Variants in SERPINA1 observed in about 807,000 individuals in gnomAD.
SERPINA1 encodes the protein serpin family A member 1.
Under a neutral mutation model 25.4 loss-of-function variants are expected in SERPINA1, and 21 were observed. The ratio of observed to expected loss-of-function variants is 0.83; its 90% CI spans 0.59 to 1.19. The LOEUF (loss-of-function observed/expected upper bound fraction) is 1.19. SERPINA1 is among the 50% of genes most tolerant of loss of function. The probability of loss-of-function intolerance (pLI) is 0.00; values close to 1 mark genes in which losing one functional copy is unlikely to be tolerated. For synonymous variants in SERPINA1, 218 were observed against 211.1 expected (o/e 1.03, Z -0.29); for missense variants, 546 against 509.0 (o/e 1.07, Z -0.70).
upstream of SERPINA1, among the ~76,000 whole-genome samples, chr14:94,390,233 C>T (rs1189680520): frequency 6.6e-6 from 1 of 152,206 alleles, no homozygotes; most frequent in East Asian, 1.9e-4. Context: ...GGCTTCAGGG[C>T]CCCTGTCCTT....
rs864622046 is a variant in SERPINA1 at position 94,378,612 on chromosome 14, T to A, written c.1094A>T (p.Asp365Val). ...CCCAGCAGCTTCAGTCCCTTTCTCG[T>A]CGATGGTCAGCACAGCCTTATGCAC... ...KAVHKAVLTI[D>V]EKGTEAAGAM... The change falls in exon 5 of 5, where the codon GAC becomes GTC. Residue 365 changes from aspartate (D) to valine (V), a missense_variant. Transcript: ENST00000393087. 10 of 1,614,052 alleles carry A rather than the reference T, an allele frequency of 6.2e-6. No individual in the cohort carries two copies. In the Admixed American group the frequency reaches 1.2e-4, roughly 19 times the overall value.
At chr14:94,389,401 C>T (rs912425308), upstream of SERPINA1, among the ~76,000 whole-genome samples, 2 of 152,212 alleles carry the variant, frequency 1.3e-5, no homozygotes, top group Non-Finnish European at 2.9e-5. Context: ...TCTGCTTAGT[C>T]TGCCCCCCAG....
chr14:94,387,868 C>A (rs564290670), intron 1 of SERPINA1, among the ~76,000 whole-genome samples: 49 of 152,254 alleles, frequency 3.2e-4, no homozygotes, highest in African/African-American at 1.2e-3. Context: ...TAGCCGTGGC[C>A]TGGTGCAGAG....
chr14:94,385,739 G>C (rs1034463020), intron 1 of SERPINA1, among the ~76,000 whole-genome samples: 1 of 152,236 alleles, frequency 6.6e-6, no homozygotes, highest in Non-Finnish European at 1.5e-5. Flanking sequence ...TGGGCTCAAA[G>C]GAGGTGGAGA....
At position 94,381,131 on chromosome 14, in the gene SERPINA1, C is replaced by T; in HGVS notation, c.657G>A (p.Glu219=). ...CGGTGTCCTTGACTTCAAAGGGTCT[C>T]TCCCATTTGCCTGGAGAGAGGGGAA... ...VNYIFFKGKW[E]RPFEVKDTEE... Residue 219 remains glutamate, a synonymous_variant, in exon 3 of 5, where the codon GAG becomes GAA. Coordinates refer to ENST00000393087, the MANE Select transcript of SERPINA1 (RefSeq NM_000295.5). 6.2e-7 allele frequency: 1 copy of T among 1,612,350 alleles called. No homozygotes were observed. The highest frequency in any genetic ancestry group is 1.3e-5 in the African/African-American group (1 of 74,956).
intron 4 of SERPINA1, chr14:94,379,163 T>A: frequency 6.8e-6 from 4 of 591,492 alleles, no homozygotes; most frequent in Non-Finnish European, 1.2e-5. Flanking sequence ...CAAACCTTTC[T>A]GTGTCAGTAT....
intron 2 of SERPINA1, 135 bp downstream of exon 2, chr14:94,382,457 A>G (rs1896995687): frequency 3.0e-6 from 3 of 1,008,616 alleles, no homozygotes; most frequent in Admixed American, 2.1e-5. Context: ...TTGTGTGTAG[A>G]AAACTGAAGA....
intron 3 of SERPINA1, among the ~76,000 whole-genome samples, chr14:94,380,022 C>T (rs1350624248): frequency 6.6e-6 from 1 of 151,990 alleles, no homozygotes; most frequent in African/African-American, 2.4e-5. Context: ...GCTGAGTGCT[C>T]CTCTCTGGTT....
At chr14:94,379,332 T>A (rs1377654342) in intron 4 of SERPINA1, 132 bp downstream of exon 4, 3 of 1,336,502 alleles carry the variant, frequency 2.2e-6, no homozygotes, top group Non-Finnish European at 2.1e-6. Flanking sequence ...ATCACGGGCA[T>A]CTTCAGGAGC....
rs143370956 is a variant in SERPINA1, at chr14:94,378,613, C to T, written c.1093G>A (p.Asp365Asn). Reference sequence around the variant, plus strand: ...CCAGCAGCTTCAGTCCCTTTCTCGTCGATGGTCAGCACAGCCTTATGCACG... The same window carrying T: ...CCAGCAGCTTCAGTCCCTTTCTCGTTGATGGTCAGCACAGCCTTATGCACG... ...KAVHKAVLTI[D>N]EKGTEAAGAM... Residue 365 changes from aspartate (D) to asparagine (N), a missense_variant, in exon 5 of 5, where the codon GAC becomes AAC. Transcript: ENST00000393087. 9.2e-5 allele frequency: 149 copies of T among 1,614,116 alleles called. No individual in the cohort carries two copies. The African/African-American group carries it at 1.5e-3, about 16-fold the overall frequency.
Position 94,380,890 on chromosome 14 carries a change from G to A in SERPINA1, c.898C>T (p.Leu300=). The stretch of plus-strand genomic sequence containing the variant: ...AATCACCTTCTGTCTTCATTTTCCA[G>A]GAACTTGGTGATGATATCGTGGGTG... The part of the protein sequence containing the change: ...ELTHDIITKF[L]ENEDRRSASL... Residue 300 remains leucine, a synonymous_variant, in exon 3 of 5, where the codon CTG becomes TTG. Transcript: ENST00000393087. 6.2e-7 allele frequency: 1 copy of A among 1,614,220 alleles called. No individual in the cohort carries two copies. Among genetic ancestry groups the A allele is most frequent in the South Asian group, 1.1e-5 (1 of 91,086 alleles).
intron 3 of SERPINA1, 151 bp from the exon 4 acceptor site, chr14:94,379,762 T>G: frequency 9.5e-7 from 1 of 1,052,288 alleles, no homozygotes; most frequent in Non-Finnish European, 1.4e-6. Context: ...CGGCTTTGGT[T>G]TGTTCTACTT....
chr14:94,380,954 C>T lies in SERPINA1; in HGVS notation c.834G>A (p.Leu278=). ...GGTGCTGTAGTTTCCCCTCATCAGG[C>T]AGGAAGAAGATGGCGGTGGCATTGC... ...YLGNATAIFF[L]PDEGKLQHLE... is the part of the protein sequence containing the mutation. Residue 278 remains leucine (L), a synonymous_variant, in exon 3 of 5, where the codon CTG becomes CTA. Coordinates refer to ENST00000393087, the MANE Select transcript of SERPINA1 (RefSeq NM_000295.5). 1 of 1,614,168 alleles carries T rather than the reference C, an allele frequency of 6.2e-7. No individual in the cohort carries two copies. The highest frequency in any genetic ancestry group is 8.5e-7 in the Non-Finnish European group (1 of 1,180,028).
At chr14:94,381,183 G>T (rs1263168408) in intron 2 of SERPINA1, 42 bp from the exon 3 acceptor site, 7 of 1,597,350 alleles carry the variant, frequency 4.4e-6, no homozygotes, top group African/African-American at 1.3e-5. Flanking sequence ...GGTGAGTGAA[G>T]GTTTGGAAGA....
chr14:94,383,550 C>G, intron 1 of SERPINA1: 1 of 457,498 alleles, frequency 2.2e-6, no homozygotes, highest in Non-Finnish European at 4.0e-6. Context: ...GAGATTAGGT[C>G]AGCTATTCAA....
At chr14:94,379,290 C>T (rs563504201) in intron 4 of SERPINA1, 174 bp downstream of exon 4, 1 of 933,954 alleles carries the variant, frequency 1.1e-6, no homozygotes, top group Non-Finnish European at 1.7e-6. Context: ...CCCTGCCTGG[C>T]TTTGCTGTTT....
At position 94,379,519 on chromosome 14, in the gene SERPINA1, CTGAAGACCTTAG is replaced by C; in HGVS notation, c.998_1009del (p.Thr333_Phe336del). The C allele has an allele frequency of 1.9e-6, 3 of 1,613,924 alleles. No homozygotes were observed. Among genetic ancestry groups the C allele is most frequent in the Non-Finnish European group, 2.5e-6 (3 of 1,179,972 alleles). On this transcript the variant is annotated inframe_deletion, in exon 4 of 5. Coordinates refer to ENST00000393087, the MANE Select transcript of SERPINA1 (RefSeq NM_000295.5). The stretch of plus-strand genomic sequence containing the variant: ...GACCCCGGAGAGGTCAGCCCCATTG[CTGAAGACCTTAG>C]TGATGCCCAGTTGACCCAGGACGCT...
chr14:94,384,629 G>A (rs985574460), intron 1 of SERPINA1, among the ~76,000 whole-genome samples: 8 of 152,186 alleles, frequency 5.3e-5, no homozygotes, highest in East Asian at 1.9e-4. Context: ...AGAACCTGCC[G>A]TCTTCACAGA....
intron 1 of SERPINA1, among the ~76,000 whole-genome samples, chr14:94,384,297 G>T (rs1484328583): frequency 4.6e-5 from 7 of 152,152 alleles, no homozygotes; most frequent in Admixed American, 4.6e-4. Context: ...GTTTATGTAT[G>T]AGAATTTAGT....
Sources: gnomAD v4.1 joint callset for allele counts (sites outside exome capture counted in the v4.1 genomes callset) on GRCh38, gnomAD v4.1.1 for gene constraint, MANE v1.5 for transcripts, NCBI Gene and HGNC (gene_info 2026-07-23, HGNC 2026-07-21) for gene names.